The following SNX10 variants were observed in gnomAD, a reference collection of about 807,000 sequenced individuals.
SNX10 encodes the protein sorting nexin-10.
In SNX10, 25 loss-of-function variants were observed where a neutral mutation model predicts 28.5. The observed-to-expected ratio is 0.88, with a 90% CI of 0.64 to 1.22. The LOEUF (loss-of-function observed/expected upper bound fraction) is 1.22. Ranked by LOEUF, SNX10 falls within the 50% of genes most tolerant of loss-of-function variation. The probability of loss-of-function intolerance (pLI) is 0.00; values close to 1 mark genes in which losing one functional copy is unlikely to be tolerated. For missense variants in SNX10, 223 were observed against 242.6 expected (o/e 0.92, Z 0.54); for synonymous variants, 62 against 81.4 (o/e 0.76, Z 1.28).
At chr7:26,349,500 TC>T (rs771536450) in intron 2 of SNX10, among the ~76,000 whole-genome samples, 161 of 152,316 alleles carry the variant, frequency 1.1e-3, no homozygotes, top group Non-Finnish European at 1.2e-3. Flanking sequence ...TGGTTTGAAT[TC>T]CCAGGAGAGC....
intron 2 of SNX10, among the ~76,000 whole-genome samples, chr7:26,349,635 A>G (rs1281935645): frequency 1.3e-5 from 2 of 152,214 alleles, no homozygotes; most frequent in South Asian, 4.1e-4. Flanking sequence ...TTATGGTTAC[A>G]TATTTTAATA....
intron 1 of SNX10, among the ~76,000 whole-genome samples, chr7:26,293,648 C>T (rs1220083764): frequency 1.3e-5 from 2 of 152,140 alleles, no homozygotes; most frequent in African/African-American, 2.4e-5. Flanking sequence ...CTCAACTGGT[C>T]GTCCTGTTTC....
At chr7:26,349,343 ATTTT>A (rs35282662) in intron 2 of SNX10, among the ~76,000 whole-genome samples, 2 of 146,632 alleles carry the variant, frequency 1.4e-5, no homozygotes. Context: ...AAATTTAGTA[ATTTT>A]TTTTTTTTTT....
At chr7:26,332,027 A>G (rs373616081) in intron 1 of SNX10, among the ~76,000 whole-genome samples, 3 of 152,208 alleles carry the variant, frequency 2.0e-5, no homozygotes, top group Admixed American at 6.5e-5. Context: ...GATTGTTTCT[A>G]CTTTTCACTG....
At position 26,340,996 on chromosome 7, in the gene SNX10, G is replaced by T. The variant is rs115090707; in HGVS notation, c.-23-5424G>T. Among the ~76,000 whole-genome samples, 713 of 152,252 alleles carry T rather than the reference G, an allele frequency of 4.7e-3. 6 individuals carry two copies. The highest frequency in any genetic ancestry group is 0.016 in the African/African-American group (682 of 41,554). On this transcript the variant is annotated intron_variant, in intron 1 of 6. Transcript: ENST00000338523. ...CAAGCCACGCCCAGCTTGATTGTGA[G>T]ATTTAATGATTCTTGGAATGGGCTG...
intron 1 of SNX10, chr7:26,293,050 T>C (rs2127991301): frequency 6.6e-6 from 1 of 152,388 alleles, no homozygotes; most frequent in Middle Eastern, 3.4e-3. Context: ...CAGGGACTGC[T>C]TGGATAGTTG....
At chr7:26,317,283 G>A (rs1787129640) in intron 1 of SNX10, among the ~76,000 whole-genome samples, 1 of 152,190 alleles carries the variant, frequency 6.6e-6, no homozygotes, top group South Asian at 2.1e-4. Flanking sequence ...ACCAAGATTT[G>A]AAAAGTGAGT....
At chr7:26,306,917 A>G (rs1786619920) in intron 1 of SNX10, among the ~76,000 whole-genome samples, 1 of 152,214 alleles carries the variant, frequency 6.6e-6, no homozygotes, top group Admixed American at 6.5e-5. Flanking sequence ...ACTGAAGCAC[A>G]GAGATGAAGT....
chr7:26,355,288 T>C (rs1286390584), intron 2 of SNX10, among the ~76,000 whole-genome samples: 2 of 152,216 alleles, frequency 1.3e-5, no homozygotes, highest in African/African-American at 4.8e-5. Flanking sequence ...TTCAAAAATT[T>C]TTTGGCTATT....
intron 1 of SNX10, among the ~76,000 whole-genome samples, chr7:26,337,310 C>G (rs1787980437): frequency 6.6e-6 from 1 of 152,204 alleles, no homozygotes; most frequent in African/African-American, 2.4e-5. Context: ...CTACACCATA[C>G]TAGTGTATAG....
intron 1 of SNX10, among the ~76,000 whole-genome samples, chr7:26,319,298 A>C (rs1274856636): frequency 6.6e-6 from 1 of 150,946 alleles, no homozygotes; most frequent in Non-Finnish European, 1.5e-5. Flanking sequence ...TATACTTATG[A>C]AATGTTAGGA....
Position 26,371,843 on chromosome 7 carries a change from C to A in SNX10, c.334C>A (p.Leu112Ile), listed in dbSNP as rs1335445324. 3.1e-6 allele frequency: 5 copies of A among 1,612,640 alleles called. No homozygotes were observed. The African/African-American group carries it at 5.4e-5, about 17-fold the overall frequency. The change falls in exon 6 of 7, where the codon CTT becomes ATT. Residue 112 changes from leucine to isoleucine, a missense_variant. Transcript: ENST00000338523. Reference sequence around the variant, plus strand: ...TAGAGTCCTACAGAATGCACTTTTGCTTTCAGATAGCAGCCTTCACCTCTT... The same window carrying A: ...TAGAGTCCTACAGAATGCACTTTTGATTTCAGATAGCAGCCTTCACCTCTT... ...LRKVLQNALLLSDSSLHLFLQ... is the reference protein window; with the variant it reads ...LRKVLQNALLISDSSLHLFLQ...
intron 2 of SNX10, among the ~76,000 whole-genome samples, chr7:26,359,235 G>A (rs1252717610): frequency 6.6e-6 from 1 of 152,144 alleles, no homozygotes; most frequent in Non-Finnish European, 1.5e-5. Context: ...TCCAGTGCAA[G>A]GACAAAGTGT....
At chr7:26,371,084 GT>G (rs1479843094) in intron 5 of SNX10, among the ~76,000 whole-genome samples, 5 of 147,694 alleles carry the variant, frequency 3.4e-5, no homozygotes, top group Non-Finnish European at 7.4e-5. Flanking sequence ...TGATGCCCTG[GT>G]TGAAATCTGT....
intron 1 of SNX10, among the ~76,000 whole-genome samples, chr7:26,336,679 T>G (rs910510420): frequency 6.6e-6 from 1 of 152,230 alleles, no homozygotes; most frequent in African/African-American, 2.4e-5. Flanking sequence ...CACTCCAGCC[T>G]GGGTGACAGA....
In SNX10 at chr7:26,346,367, C is replaced by T. The variant is rs1584147978; in HGVS notation, c.-23-53C>T. On this transcript the variant is annotated intron_variant, in intron 1 of 6. Coordinates refer to ENST00000338523, the MANE Select transcript of SNX10 (RefSeq NM_013322.3). ...GGGTGGGAGGCCATGAGTGGTGTAT[C>T]CACTCCAGTTTGGAGGTTCCAAATG... is the stretch of plus-strand genomic sequence containing the variant. 3 of 1,099,352 alleles carry T rather than the reference C, an allele frequency of 2.7e-6. No homozygotes were observed. In the East Asian group the frequency reaches 7.1e-5, roughly 26 times the overall value. The allele number at this position is 1,099,352 out of a possible 1,614,324, so 68.1% of individuals were successfully genotyped here. A position where few individuals can be genotyped will look rare whatever the true frequency, so the allele number is the denominator to read the frequency against.
intron 3 of SNX10, among the ~76,000 whole-genome samples, chr7:26,362,161 T>C (rs1052267647): frequency 3.3e-5 from 5 of 152,256 alleles, no homozygotes; most frequent in African/African-American, 1.2e-4. Flanking sequence ...TTTTTGATTG[T>C]GTTGTAAAGC....
At chr7:26,363,974 T>C (rs1789188833) in intron 3 of SNX10, among the ~76,000 whole-genome samples, 1 of 152,196 alleles carries the variant, frequency 6.6e-6, no homozygotes, top group Non-Finnish European at 1.5e-5. Flanking sequence ...CGTACCACGG[T>C]CATTCTCTGG....
At chr7:26,363,032 G>A (rs981900895) in intron 3 of SNX10, among the ~76,000 whole-genome samples, 2 of 152,168 alleles carry the variant, frequency 1.3e-5, no homozygotes, top group Non-Finnish European at 2.9e-5. Context: ...GGATTCTTTA[G>A]GGAGAGGGTA....
Sources: gnomAD v4.1 joint callset for allele counts (sites outside exome capture counted in the v4.1 genomes callset) on GRCh38, gnomAD v4.1.1 for gene constraint, MANE v1.5 for transcripts, NCBI Gene and HGNC (gene_info 2026-07-23, HGNC 2026-07-21) for gene names.